MYBPC1: variants seen among roughly 807,000 people sequenced by gnomAD.
MYBPC1 encodes myosin-binding protein C, slow-type.
MYBPC1 carries 52 observed loss-of-function variants against 147.1 expected under a neutral mutation model. That is an observed-to-expected ratio of 0.35 (90% confidence interval 0.28 to 0.45). The LOEUF (loss-of-function observed/expected upper bound fraction) is 0.45. Ranked by LOEUF, MYBPC1 falls within the 20% of genes least tolerant of loss-of-function variation. MYBPC1 has a pLI of 1.00. For synonymous variants in MYBPC1, 477 were observed against 475.9 expected, an observed-to-expected ratio of 1.00 and a Z score of -0.03; for missense variants, 1,228 against 1,440.3, an observed-to-expected ratio of 0.85 and a Z score of 2.39.
chr12:101,617,402 T>A lies in MYBPC1; in HGVS notation c.103+159T>A, dbSNP rs906405781. On this transcript the variant is annotated intron_variant, in intron 3 of 31. Coordinates refer to ENST00000361466, the MANE Select transcript of MYBPC1 (RefSeq NM_002465.4). ...AAGTCCCAATCAGTATAATGACAAA[T>A]GGTGCATTGCTAAGTTTCCATTACA... Among the ~76,000 whole-genome samples the A allele has an allele frequency of 2.0e-5, 3 of 152,216 alleles. No individual in the cohort carries two copies. In the East Asian group the frequency reaches 5.8e-4, roughly 29 times the overall value.
At chr12:101,633,398 G>A (rs1429717603) in intron 8 of MYBPC1, among the ~76,000 whole-genome samples, 5 of 152,090 alleles carry the variant, frequency 3.3e-5, no homozygotes, top group Non-Finnish European at 7.4e-5. Context: ...CTTAACGTTA[G>A]GATGAGCTGG....
intron 1 of MYBPC1, among the ~76,000 whole-genome samples, chr12:101,600,753 T>C (rs946809194): frequency 1.3e-5 from 2 of 152,202 alleles, no homozygotes; most frequent in African/African-American, 4.8e-5. Flanking sequence ...ATGAAAACTA[T>C]ATTAAGAGAC....
At position 101,677,328 on chromosome 12, in the gene MYBPC1, GA is replaced by G; in HGVS notation, c.3047del (p.Asn1016ThrfsTer11). On this transcript the variant is annotated frameshift_variant, in exon 27 of 32. Coordinates refer to ENST00000361466, the MANE Select transcript of MYBPC1 (RefSeq NM_002465.4). LOFTEE classifies it high-confidence loss of function. The stretch of plus-strand genomic sequence containing the variant: ...TGAATATTACTTCCGGGTCTTTTCT[GA>G]AAACATGTGTGGCCTCAGTGAGGAT... The part of the protein sequence containing the change: ...GNEYYFRVFS[E>X]NMCGLSEDAT... 6.2e-7 allele frequency: 1 copy of G among 1,613,994 alleles called. No homozygotes were observed. The highest frequency in any genetic ancestry group is 8.5e-7 in the Non-Finnish European group (1 of 1,179,970).
At chr12:101,636,372 G>C (rs2136113362) in intron 9 of MYBPC1, among the ~76,000 whole-genome samples, 1 of 152,242 alleles carries the variant, frequency 6.6e-6, no homozygotes, top group East Asian at 1.9e-4. Context: ...TGTGTTGCTT[G>C]GCTTAAGTGC....
At chr12:101,633,620 G>A (rs1338519774) in intron 8 of MYBPC1, among the ~76,000 whole-genome samples, 1 of 151,552 alleles carries the variant, frequency 6.6e-6, no homozygotes, top group Non-Finnish European at 1.5e-5. Flanking sequence ...CGGGGAGGCG[G>A]AGGTTGCAGT....
At chr12:101,652,827 T>G in intron 17 of MYBPC1, 43 bp downstream of exon 17, 5 of 1,493,962 alleles carry the variant, frequency 3.3e-6, no homozygotes, top group Non-Finnish European at 4.7e-6. Flanking sequence ...TGTTCTTTTT[T>G]GTTTGCTTTT....
rs976454551 is a variant in MYBPC1, at chr12:101,655,952, C to T, written c.1767+2704C>T. ...ACTTTGTTCAAAATGATAAAAGCAA[C>T]AATGTATTCAATTAGGTATGCTTAT... On this transcript the variant is annotated intron_variant, in intron 18 of 31. Transcript: ENST00000361466. Among the ~76,000 whole-genome samples, 13 of 152,056 alleles carry T rather than the reference C, an allele frequency of 8.5e-5. No individual in the cohort carries two copies. In the East Asian group the frequency reaches 2.5e-3, roughly 29 times the overall value.
rs867235905 is a variant in MYBPC1 at position 101,659,954 on chromosome 12, T to C, written c.1927+123T>C. On this transcript the variant is annotated intron_variant, in intron 19 of 31. Transcript: ENST00000361466. ...TTGTCTTTCCCTTATCTTCTTTTTT[T>C]TTCTTGCCTAGAGGACTTATCATTG... 3.0e-6 allele frequency: 4 copies of C among 1,319,584 alleles called. 1 individual carries two copies. The Middle Eastern group carries it at 5.5e-4, about 183-fold the overall frequency. The allele number at this position is 1,319,584 out of a possible 1,614,324, so 81.7% of individuals were successfully genotyped here.
chr12:101,675,641 G>A (rs936242142), intron 26 of MYBPC1, among the ~76,000 whole-genome samples: 1 of 152,198 alleles, frequency 6.6e-6, no homozygotes, highest in Non-Finnish European at 1.5e-5. Context: ...AGGACCACAC[G>A]TGACCACAAT....
chr12:101,633,547 C>G (rs919923193), intron 8 of MYBPC1, among the ~76,000 whole-genome samples: 15 of 151,846 alleles, frequency 9.9e-5, no homozygotes, highest in Non-Finnish European at 1.6e-4. Flanking sequence ...ATTAGCCAGG[C>G]GTGGTGGTGG....
rs756010316 is a variant in MYBPC1 at position 101,661,256 on chromosome 12, A to G, written c.2026A>G (p.Ile676Val). ...TCCTGCCTACGACGGAGGCTCTCCA[A>G]TCCTAGGTAACTGCATGTTGGTTAG... ...EPPAYDGGSPILGYFIERKKK... is the reference protein window; with the variant it reads ...EPPAYDGGSPVLGYFIERKKK... The change falls in exon 20 of 32, where the codon ATC becomes GTC. Residue 676 changes from isoleucine (I) to valine (V), a missense_variant. Physicochemically the swap from Ile to Val is conservative, Grantham distance 29. Around this residue, in one of 2 missense-constraint regions of MYBPC1, gnomAD observed 1,077 missense variants for 1,314.2 expected, o/e 0.82. Transcript: ENST00000361466. The G allele has an allele frequency of 2.5e-6, 4 of 1,607,260 alleles. No individual in the cohort carries two copies. Among genetic ancestry groups the G allele is most frequent in the East Asian group, 2.2e-5 (1 of 44,844 alleles).
At chr12:101,627,014 G>T in intron 4 of MYBPC1, 104 bp downstream of exon 4, 1 of 1,091,148 alleles carries the variant, frequency 9.2e-7, no homozygotes, top group Non-Finnish European at 1.4e-6. Context: ...AGTGCACAGA[G>T]CAGGGGCAAC....
At chr12:101,658,109 C>A (rs548790161) in intron 18 of MYBPC1, among the ~76,000 whole-genome samples, 7 of 132,432 alleles carry the variant, frequency 5.3e-5, no homozygotes, top group Non-Finnish European at 1.1e-4. Context: ...CCAGCCTGGG[C>A]GACAGAGCGA....
intron 1 of MYBPC1, among the ~76,000 whole-genome samples, chr12:101,609,535 G>C (rs1007541620): frequency 6.6e-6 from 1 of 152,044 alleles, no homozygotes; most frequent in Admixed American, 6.6e-5. Flanking sequence ...CTCCCACCTT[G>C]ACCTCCCGAG....
At position 101,646,569 on chromosome 12, in the gene MYBPC1, G is replaced by A. The variant is rs11611585; in HGVS notation, c.966-194G>A. Among the ~76,000 whole-genome samples, 41,941 of 152,004 alleles carry A rather than the reference G, an allele frequency of 0.28. 6,080 individuals carry two copies. Among genetic ancestry groups the A allele is most frequent in the Middle Eastern group, 0.4 (118 of 294 alleles). Reference sequence around the variant, plus strand: ...CAGGAGGATCACTTGAGCCCAGGAGGTCGAGGCTCCAATTAGCTATGTTTG... The same window carrying A: ...CAGGAGGATCACTTGAGCCCAGGAGATCGAGGCTCCAATTAGCTATGTTTG... On this transcript the variant is annotated intron_variant, in intron 12 of 31. Transcript: ENST00000361466.
intron 27 of MYBPC1, 58 bp from the exon 28 acceptor site, chr12:101,678,044 A>C: frequency 2.8e-5 from 42 of 1,512,884 alleles, no homozygotes; most frequent in Non-Finnish European, 3.5e-5. Context: ...TGCCACCAAT[A>C]ATATATTCTC....
chr12:101,631,943 C>A, intron 7 of MYBPC1, 78 bp from the exon 8 acceptor site: 1 of 1,364,130 alleles, frequency 7.3e-7, no homozygotes, highest in Non-Finnish European at 1.0e-6. Context: ...TTCCCACAGA[C>A]AGACACAGCT....
intron 29 of MYBPC1, 21 bp downstream of exon 29, chr12:101,680,550 C>A: frequency 3.1e-6 from 5 of 1,608,920 alleles, no homozygotes; most frequent in Non-Finnish European, 4.3e-6. Context: ...CAATATCTCA[C>A]GTATAGACTA....
chr12:101,669,490 G>T (rs1044113556), intron 23 of MYBPC1, among the ~76,000 whole-genome samples: 2 of 152,238 alleles, frequency 1.3e-5, no homozygotes, highest in Non-Finnish European at 2.9e-5. Flanking sequence ...GAAAGTTACT[G>T]TCGAACTCCA....
Sources: allele counts gnomAD v4.1 joint callset (sites outside exome capture counted in the v4.1 genomes callset), GRCh38; gene constraint gnomAD v4.1.1; regional missense constraint gnomAD v4.1.1; transcripts MANE v1.5; gene names NCBI Gene and HGNC (gene_info 2026-07-23, HGNC 2026-07-21).